The following PCDHA4 variants were observed in gnomAD, a reference collection of about 807,000 sequenced individuals.
PCDHA4 encodes protocadherin alpha-4.
A neutral mutation model predicts 61.4 loss-of-function variants in PCDHA4; 49 were observed. The ratio of observed to expected loss-of-function variants is 0.80; its 90% confidence interval spans 0.63 to 1.01. The LOEUF (loss-of-function observed/expected upper bound fraction) is 1.01, where lower values mean the gene tolerates loss of function less well. Ranked by LOEUF, PCDHA4 falls within the 50% of genes least tolerant of loss-of-function variation. The pLI is 0.00. For synonymous variants in PCDHA4, 590 were observed against 550.3 expected (o/e 1.07, Z -1.01); for missense variants, 1,254 against 1,235.8 (o/e 1.01, Z -0.22).
chr5:140,850,517 G>A, intron 1 of PCDHA4: 1 of 1,598,300 alleles, frequency 6.3e-7, no homozygotes, highest in Non-Finnish European at 8.6e-7. Context: ...AGAGCGGCCA[G>A]GCGCCAAAGT....
chr5:140,831,462 T>C (rs1322617868), intron 1 of PCDHA4, among the ~76,000 whole-genome samples: 1 of 140,760 alleles, frequency 7.1e-6, no homozygotes, highest in South Asian at 2.4e-4. Context: ...TGGGCTCAAG[T>C]GATTCTCTCA....
chr5:140,869,997 T>C (rs782075585), intron 1 of PCDHA4: 23 of 1,613,172 alleles, frequency 1.4e-5, no homozygotes, highest in Non-Finnish European at 2.5e-6. Context: ...ATCAAAATAA[T>C]GGAGAAGTGA....
At chr5:140,848,538 C>G in intron 1 of PCDHA4, 1 of 1,595,318 alleles carries the variant, frequency 6.3e-7, no homozygotes. Flanking sequence ...TCAGCCTCTA[C>G]TGCTCTCGCT....
At chr5:140,890,738 A>G (rs1283898948) in intron 1 of PCDHA4, among the ~76,000 whole-genome samples, 1 of 152,200 alleles carries the variant, frequency 6.6e-6, no homozygotes. Context: ...TGACTTATAT[A>G]CTATTTCTGT....
chr5:140,876,728 C>T (rs200398819), intron 1 of PCDHA4: 11 of 1,614,128 alleles, frequency 6.8e-6, no homozygotes, highest in African/African-American at 1.3e-5. Context: ...GAGAGCGTGT[C>T]GGCCTATGAG....
chr5:140,929,540 G>A, intron 1 of PCDHA4: 1 of 549,498 alleles, frequency 1.8e-6, no homozygotes, highest in Admixed American at 4.2e-5. Context: ...GAGAAACAAG[G>A]GCAAAAATTA....
At chr5:140,840,534 A>G (rs1554137817) in intron 1 of PCDHA4, among the ~76,000 whole-genome samples, 1 of 152,088 alleles carries the variant, frequency 6.6e-6, no homozygotes, top group East Asian at 1.9e-4. Flanking sequence ...TGAAGAACTA[A>G]CAAGCCAATG....
chr5:140,818,014 A>G (rs1453170994), intron 1 of PCDHA4, among the ~76,000 whole-genome samples: 1 of 152,160 alleles, frequency 6.6e-6, no homozygotes, highest in Non-Finnish European at 1.5e-5. Context: ...CACTTTTAAC[A>G]GCTTTACTAT....
At chr5:140,860,219 A>C (rs2046275185) in intron 1 of PCDHA4, 1 of 151,166 alleles carries the variant, frequency 6.6e-6, no homozygotes, top group South Asian at 2.1e-4. Flanking sequence ...GTACTTATGT[A>C]TATATAAGCC....
chr5:140,827,773 CG>C (rs1439056383), intron 1 of PCDHA4, among the ~76,000 whole-genome samples: 1 of 152,120 alleles, frequency 6.6e-6, no homozygotes, highest in Non-Finnish European at 1.5e-5. Context: ...TAAAAGAAGT[CG>C]GGATAACACT....
chr5:140,869,407 T>C, intron 1 of PCDHA4: 3 of 1,614,120 alleles, frequency 1.9e-6, no homozygotes, highest in Non-Finnish European at 2.5e-6. Context: ...GAGCGCGGAG[T>C]GCAGCATCCA....
intron 1 of PCDHA4, among the ~76,000 whole-genome samples, chr5:140,833,813 C>T (rs1772668751): frequency 6.6e-6 from 1 of 152,104 alleles, no homozygotes. Flanking sequence ...TCTTGAGATC[C>T]TGGGTCCCTA....
intron 1 of PCDHA4, among the ~76,000 whole-genome samples, chr5:140,971,149 G>C (rs2096459410): frequency 1.3e-5 from 2 of 152,200 alleles, no homozygotes; most frequent in Admixed American, 1.3e-4. Context: ...GAACAAGTCA[G>C]GCCAGGCTCA....
intron 1 of PCDHA4, chr5:140,862,793 A>G: frequency 1.7e-6 from 1 of 576,706 alleles, no homozygotes; most frequent in Non-Finnish European, 3.3e-6. Flanking sequence ...GACTACGAGG[A>G]GCTGGAGCTG....
intron 1 of PCDHA4, chr5:140,861,473 T>A: frequency 2.0e-6 from 1 of 491,574 alleles, no homozygotes; most frequent in Non-Finnish European, 4.2e-6. Context: ...ATCTGCAGAA[T>A]GGCATTTTTG....
intron 1 of PCDHA4, chr5:140,822,947 A>T: frequency 6.2e-7 from 1 of 1,614,242 alleles, no homozygotes. Context: ...CTAATGCCCC[A>T]CGTTCCCTTC....
intron 3 of PCDHA4, among the ~76,000 whole-genome samples, chr5:140,982,785 G>A (rs1037904724): frequency 2.0e-5 from 3 of 151,236 alleles, no homozygotes; most frequent in African/African-American, 4.9e-5. Flanking sequence ...GTGTGTGCAC[G>A]CATGTGTGCA....
intron 1 of PCDHA4, chr5:140,822,618 T>C (rs1767368457): frequency 6.2e-7 from 1 of 1,611,484 alleles, no homozygotes; most frequent in South Asian, 1.1e-5. Flanking sequence ...ATTTCTTTAG[T>C]AATCTTGTTC....
At chr5:140,860,333 A>T (rs147859732) in intron 1 of PCDHA4, 1 of 152,198 alleles carries the variant, frequency 6.6e-6, no homozygotes, top group African/African-American at 2.4e-5. Context: ...GTGACCCATG[A>T]TTGTGCCACT....
Sources: allele counts gnomAD v4.1 joint callset (sites outside exome capture counted in the v4.1 genomes callset), GRCh38; gene constraint gnomAD v4.1.1; transcripts MANE v1.5; gene names NCBI Gene and HGNC (gene_info 2026-07-23, HGNC 2026-07-21).